TANGO2: variants seen among roughly 807,000 people sequenced by gnomAD.
TANGO2 encodes the protein transport and golgi organization 2 homolog, also known as transport and Golgi organization protein 2 homolog.
In TANGO2, 26 loss-of-function variants were observed where a neutral mutation model predicts 39.1. The observed-to-expected ratio is 0.67, with a 90% confidence interval of 0.49 to 0.92. The LOEUF is 0.92. Ranked by LOEUF, TANGO2 falls within the 40% of genes least tolerant of loss-of-function variation. The probability of loss-of-function intolerance (pLI) is 0.00; values close to 1 mark genes in which losing one functional copy is unlikely to be tolerated. For synonymous variants in TANGO2, 131 were observed against 144.5 expected (o/e 0.91, Z 0.67); for missense variants, 326 against 360.1 (o/e 0.91, Z 0.77).
intron 8 of TANGO2, 200 bp downstream of exon 8, chr22:20,063,642 TAAG>T (rs2048790151): frequency 1.8e-6 from 1 of 554,998 alleles, no homozygotes. Flanking sequence ...AGGCTGGGCT[TAAG>T]GAGCCAGTAC....
At chr22:20,037,215 C>T in intron 2 of TANGO2, 1 of 1,167,802 alleles carries the variant, frequency 8.6e-7, no homozygotes, top group East Asian at 2.5e-5. Context: ...GCTGGCGGGT[C>T]ACAGCTGCTG....
chr22:20,057,024 C>T lies in TANGO2; in HGVS notation c.451+1011C>T, dbSNP rs1376016153. 2.2e-6 allele frequency: 1 copy of T among 448,120 alleles called. No homozygotes were observed. Among genetic ancestry groups the T allele is most frequent in the Admixed American group, 2.4e-5 (1 of 41,504 alleles). 27.8% of individuals were successfully genotyped at this position (448,120 alleles called of 1,614,324 possible). On this transcript the variant is annotated intron_variant, in intron 6 of 8. Transcript: ENST00000327374. This position sits in a 1 kb window ranked among gnomAD's most constrained non-coding sequence, Gnocchi z 4.1. ...CCCTGGCTCCTCTGAAGCTCCATGC[C>T]CACGTCACACAGACTTTCTTTTGCA...
At chr22:20,047,483 C>T (rs1055125550) in intron 3 of TANGO2, among the ~76,000 whole-genome samples, 3 of 152,132 alleles carry the variant, frequency 2.0e-5, no homozygotes, top group South Asian at 2.1e-4. Flanking sequence ...AATCCACCCG[C>T]CTCAGCCTCC....
intron 1 of TANGO2, among the ~76,000 whole-genome samples, chr22:20,035,124 C>T (rs2042605554): frequency 6.6e-6 from 1 of 152,232 alleles, no homozygotes; most frequent in African/African-American, 2.4e-5. Flanking sequence ...CCATCCTATG[C>T]AGAGTGGTGG....
rs1042299616 is a variant in TANGO2, at chr22:20,066,810, C to T, written c.*2148C>T. ...ATGGTGCCCTGCCCTCATGAAGAGC[C>T]CCCCGGATGTTCACCTCTGCCCAGA... On this transcript the variant is annotated 3_prime_UTR_variant, in exon 9 of 9. Transcript: ENST00000327374. Among the ~76,000 whole-genome samples the T allele has an allele frequency of 6.6e-6, 1 of 152,074 alleles. No homozygotes were observed. The highest frequency in any genetic ancestry group is 2.4e-5 in the African/African-American group (1 of 41,386).
chr22:20,049,003 G>C lies in TANGO2; in HGVS notation c.146-3462G>C, dbSNP rs189398399. On this transcript the variant is annotated intron_variant, in intron 3 of 8. Transcript: ENST00000327374. ...TTATCTTTTATGAGTTGTTCTTTTT[G>C]TGCCTTATCCAAAAAGTCTTTGCCT... Among the ~76,000 whole-genome samples, 6 of 152,170 alleles carry C rather than the reference G, an allele frequency of 3.9e-5. No homozygotes were observed. The East Asian group carries it at 9.6e-4, about 24-fold the overall frequency.
chr22:20,052,448 A>G lies in TANGO2; in HGVS notation c.146-17A>G, dbSNP rs753021420. 10 of 1,589,288 alleles carry G rather than the reference A, an allele frequency of 6.3e-6. No individual in the cohort carries two copies. Among genetic ancestry groups the G allele is most frequent in the Non-Finnish European group, 7.7e-6 (9 of 1,167,706 alleles). ...AATGGGTGGCATCAATGGTGGTAAC[A>G]CTGTCATCTGCCACAGGGCTGGACA... On this transcript the variant is annotated splice_polypyrimidine_tract_variant and intron_variant, in intron 3 of 8. Coordinates refer to ENST00000327374, the MANE Select transcript of TANGO2 (RefSeq NM_152906.7).
At chr22:20,063,624 G>C in intron 8 of TANGO2, 182 bp downstream of exon 8, 2 of 592,702 alleles carry the variant, frequency 3.4e-6, no homozygotes, top group South Asian at 4.5e-5. Context: ...AGGCTCCCGG[G>C]GCCCCACAGG....
At chr22:20,064,460 C>G in intron 8 of TANGO2, 82 bp from the exon 9 acceptor site, 2 of 1,564,620 alleles carry the variant, frequency 1.3e-6, no homozygotes, top group Admixed American at 3.4e-5. Context: ...TACCTGCCTG[C>G]ATTCTTGCCC....
At chr22:20,035,385 G>T (rs1026497915) in intron 1 of TANGO2, among the ~76,000 whole-genome samples, 2 of 152,218 alleles carry the variant, frequency 1.3e-5, no homozygotes, top group Admixed American at 1.3e-4. Context: ...ACAGCTTCTT[G>T]GCTGTCCCAT....
chr22:20,037,384 T>G (rs1333592674), intron 2 of TANGO2, among the ~76,000 whole-genome samples: 1 of 152,046 alleles, frequency 6.6e-6, no homozygotes, highest in Non-Finnish European at 1.5e-5. Flanking sequence ...CGGCCACACC[T>G]CCATTCCCCA....
Position 20,061,673 on chromosome 22 carries a change from AATGAAG to A in TANGO2, c.597_602del (p.Asn199_Glu201delinsLys). ...CGCCAGCCTCCTGGATGTGCTCAACAATGAAGAGGCGTGAGTGGGCGGGTCCTGCTG... is the reference window on the plus strand; with the variant it reads ...CGCCAGCCTCCTGGATGTGCTCAACAAGGCGTGAGTGGGCGGGTCCTGCTG... On this transcript the variant is annotated inframe_deletion, in exon 7 of 9. Coordinates refer to ENST00000327374, the MANE Select transcript of TANGO2 (RefSeq NM_152906.7). 1 of 1,551,352 alleles carries A rather than the reference AATGAAG, an allele frequency of 6.4e-7. No individual in the cohort carries two copies. The highest frequency in any genetic ancestry group is 8.7e-7 in the Non-Finnish European group (1 of 1,147,106).
intron 3 of TANGO2, among the ~76,000 whole-genome samples, chr22:20,043,691 A>G (rs573358301): frequency 2.0e-5 from 3 of 152,274 alleles, no homozygotes; most frequent in Admixed American, 2.0e-4. Flanking sequence ...TGAAAGCATC[A>G]GTTGGTTTTA....
Position 20,061,566 on chromosome 22 carries a change from C to A in TANGO2, c.488C>A (p.Pro163His). 6.2e-7 allele frequency: 1 copy of A among 1,605,944 alleles called. No individual in the cohort carries two copies. The highest frequency in any genetic ancestry group is 1.3e-5 in the African/African-American group (1 of 74,998). Residue 163 changes from proline (P) to histidine (H), a missense_variant, in exon 7 of 9, where the codon CCC becomes CAC. By Grantham distance (77) the Pro-to-His change is moderately conservative (BLOSUM62 -2). Coordinates refer to ENST00000327374, the MANE Select transcript of TANGO2 (RefSeq NM_152906.7). ...YGLSNALLET[P>H]WRKLCFGKQL... ...CTGAGCAACGCGCTGCTGGAGACTC[C>A]CTGGAGGAAGCTGTGCTTTGGGAAG...
Position 20,053,499 on chromosome 22 carries a change from T to A in TANGO2, c.328T>A (p.Ser110Thr), listed in dbSNP as rs150241211. The A allele has an allele frequency of 6.2e-7, 1 of 1,614,052 alleles. No individual in the cohort carries two copies. The highest frequency in any genetic ancestry group is 8.5e-7 in the Non-Finnish European group (1 of 1,179,916). The change falls in exon 5 of 9, where the codon TCT becomes ACT. Residue 110 changes from serine to threonine, a missense_variant. Transcript: ENST00000327374. ...VDSLSYLKKV[S>T]MEGHLYNGFN... The stretch of plus-strand genomic sequence containing the variant: ...CAGCTTGTCCTACCTGAAGAAGGTC[T>A]CTATGGAGGGCCATCTGTACAATGG...
intron 1 of TANGO2, 49 bp from the exon 2 acceptor site, chr22:20,036,711 C>A: frequency 6.6e-7 from 1 of 1,513,642 alleles, no homozygotes; most frequent in Non-Finnish European, 9.2e-7. Context: ...CGGAGGGCAG[C>A]CCTGAGTGTC....
intron 1 of TANGO2, among the ~76,000 whole-genome samples, chr22:20,035,788 T>A (rs967129921): frequency 6.6e-6 from 1 of 152,112 alleles, no homozygotes; most frequent in African/African-American, 2.4e-5. Flanking sequence ...GGTTTGGTGC[T>A]GTTGCAGGGG....
At chr22:20,030,539 G>A (rs1407475364) in intron 1 of TANGO2, among the ~76,000 whole-genome samples, 1 of 152,132 alleles carries the variant, frequency 6.6e-6, no homozygotes, top group African/African-American at 2.4e-5. Flanking sequence ...TAGAGACAGG[G>A]TTTCACCATA....
At chr22:20,044,954 G>A (rs1040945712) in intron 3 of TANGO2, among the ~76,000 whole-genome samples, 2 of 152,204 alleles carry the variant, frequency 1.3e-5, no homozygotes, top group African/African-American at 4.8e-5. Flanking sequence ...CACCCCTGTG[G>A]TGTTTTGATG....
Sources: allele counts gnomAD v4.1 joint callset (sites outside exome capture counted in the v4.1 genomes callset), GRCh38; gene constraint gnomAD v4.1.1; non-coding constraint Gnocchi (gnomAD v3.1); transcripts MANE v1.5; gene names NCBI Gene and HGNC (gene_info 2026-07-23, HGNC 2026-07-21).